Variants in TOMM20 observed in about 807,000 individuals in gnomAD.
The protein encoded by TOMM20 is translocase of outer mitochondrial membrane 20.
Under a neutral mutation model 22.1 loss-of-function variants are expected in TOMM20, and 10 were observed. That is an observed-to-expected ratio of 0.45 (90% CI 0.28 to 0.77). TOMM20 has a LOEUF of 0.77. Ranked by LOEUF, TOMM20 falls within the 30% of genes least tolerant of loss-of-function variation. The pLI, the probability that TOMM20 is intolerant of heterozygous loss-of-function variation, is 0.13. For missense variants in TOMM20, 121 were observed against 172.2 expected (o/e 0.70, Z 1.66); for synonymous variants, 55 against 61.4 (o/e 0.90, Z 0.49).
At chr1:235,115,813 T>G (rs902845412) in intron 3 of TOMM20, among the ~76,000 whole-genome samples, 1 of 152,182 alleles carries the variant, frequency 6.6e-6, no homozygotes, top group Non-Finnish European at 1.5e-5. Context: ...AAAGGCAGGT[T>G]TGCAACATTA....
At chr1:235,115,862 AT>A (rs1404243333) in intron 3 of TOMM20, among the ~76,000 whole-genome samples, 1 of 152,002 alleles carries the variant, frequency 6.6e-6, no homozygotes, top group Admixed American at 6.6e-5. Context: ...TTTACTGCCC[AT>A]TATAAAAAAT....
chr1:235,119,927 A>G (rs774489476), intron 2 of TOMM20, 28 bp from the exon 3 acceptor site: 1 of 1,487,330 alleles, frequency 6.7e-7, no homozygotes. Context: ...AATAAATGAC[A>G]CCACAATTAT....
Position 235,114,013 on chromosome 1 carries a change from G to C in TOMM20, c.251-103C>G, listed in dbSNP as rs1039276638. The C allele has an allele frequency of 2.3e-6, 3 of 1,292,190 alleles. No homozygotes were observed. In the African/African-American group the frequency reaches 4.5e-5, roughly 19 times the overall value. 80.0% of individuals were successfully genotyped at this position (1,292,190 alleles called of 1,614,324 possible). On this transcript the variant is annotated intron_variant, in intron 3 of 4. Transcript: ENST00000366607. ...AAATGATGCTGACCAAAAACACTAAGCAAGTAAAATACTGGAAATGACCTA... is the reference window on the plus strand; with the variant it reads ...AAATGATGCTGACCAAAAACACTAACCAAGTAAAATACTGGAAATGACCTA...
intron 1 of TOMM20, 100 bp downstream of exon 1, chr1:235,128,495 C>A (rs962737913): frequency 2.5e-6 from 4 of 1,573,762 alleles, no homozygotes; most frequent in Non-Finnish European, 3.5e-6. Context: ...CACGCGGTCG[C>A]CCTGCGCGGC....
intron 1 of TOMM20, 156 bp from the exon 2 acceptor site, chr1:235,122,528 G>A: frequency 1.7e-6 from 1 of 596,826 alleles, no homozygotes; most frequent in African/African-American, 1.9e-5. Context: ...CATATGACAT[G>A]TTCTGGTCAA....
At chr1:235,122,217 C>A (rs139303116) in intron 2 of TOMM20, 109 bp downstream of exon 2, 1 of 922,208 alleles carries the variant, frequency 1.1e-6, no homozygotes, top group African/African-American at 1.7e-5. Context: ...AAAGCAATGT[C>A]CAGTATCAAC....
At chr1:235,117,299 T>C (rs1484252383) in intron 3 of TOMM20, among the ~76,000 whole-genome samples, 1 of 142,806 alleles carries the variant, frequency 7.0e-6, no homozygotes, top group South Asian at 2.3e-4. Flanking sequence ...CTACCAAAAA[T>C]AGGAAAAAAT....
rs1259684011 is a variant in TOMM20, at chr1:235,128,644, G to C, written c.72C>G (p.Phe24Leu). ...GALFIGYCIY[F>L]DRKRRSDPNF... ...TGGGGTCACTTCGTCTTTTGCGGTCGAAGTAGATGCAGTACCCAATGAAAA... is the reference window on the plus strand; with the variant it reads ...TGGGGTCACTTCGTCTTTTGCGGTCCAAGTAGATGCAGTACCCAATGAAAA... Residue 24 changes from phenylalanine to leucine, a missense_variant, in exon 1 of 5, where the codon TTC (phenylalanine) becomes TTG (leucine). Phe to Leu is a conservative substitution (Grantham distance 22). Transcript: ENST00000366607. The C allele has an allele frequency of 6.2e-7, 1 of 1,613,840 alleles. No homozygotes were observed. The highest frequency in any genetic ancestry group is 8.5e-7 in the Non-Finnish European group (1 of 1,179,956).
intron 4 of TOMM20, among the ~76,000 whole-genome samples, chr1:235,112,348 A>G (rs1350531556): frequency 2.0e-5 from 3 of 152,062 alleles, no homozygotes; most frequent in African/African-American, 4.8e-5. Context: ...ATTACATTAT[A>G]TATGTTTTTA....
At chr1:235,113,674 T>C in intron 4 of TOMM20, 94 bp downstream of exon 4, 2 of 1,450,272 alleles carry the variant, frequency 1.4e-6, no homozygotes, top group South Asian at 2.8e-5. Flanking sequence ...GATAAGTTTA[T>C]TTCATCATGT....
intron 3 of TOMM20, among the ~76,000 whole-genome samples, chr1:235,117,767 G>A (rs1660859762): frequency 6.6e-6 from 1 of 152,206 alleles, no homozygotes; most frequent in African/African-American, 2.4e-5. Flanking sequence ...CTGAGTATAA[G>A]TAAAGGTTTC....
chr1:235,128,686 G>A lies in TOMM20; in HGVS notation c.30C>T (p.Ala10=), dbSNP rs749158305. The change falls in exon 1 of 5, where the codon GCC becomes GCT. Residue 10 remains alanine, a synonymous_variant. Coordinates refer to ENST00000366607, the MANE Select transcript of TOMM20 (RefSeq NM_014765.3). MVGRNSAIA[A]GVCGALFIGY... ...CAATGAAAAGGGCCCCGCATACACC[G>A]GCGGCGATGGCGCTGTTCCGACCCA... is the stretch of plus-strand genomic sequence containing the variant. 7 of 1,613,966 alleles carry A rather than the reference G, an allele frequency of 4.3e-6. No homozygotes were observed. Among genetic ancestry groups the A allele is most frequent in the Non-Finnish European group, 5.9e-6 (7 of 1,179,952 alleles).
intron 1 of TOMM20, chr1:235,127,941 T>C: frequency 1.9e-6 from 1 of 517,710 alleles, no homozygotes; most frequent in Non-Finnish European, 3.9e-6. Flanking sequence ...AATGCAGCAA[T>C]GAGCCAGGCG....
intron 1 of TOMM20, among the ~76,000 whole-genome samples, chr1:235,125,897 G>A (rs915450230): frequency 2.6e-5 from 4 of 150,950 alleles, no homozygotes; most frequent in South Asian, 4.2e-4. Flanking sequence ...CTACAGGTGC[G>A]TGCCACCACG....
At chr1:235,115,470 T>C (rs1660813407) in intron 3 of TOMM20, among the ~76,000 whole-genome samples, 1 of 151,572 alleles carries the variant, frequency 6.6e-6, no homozygotes, top group Non-Finnish European at 1.5e-5. Context: ...CTACTAAAAA[T>C]ACAAAAATTA....
At chr1:235,113,688 C>T in intron 4 of TOMM20, 80 bp downstream of exon 4, 2 of 1,487,824 alleles carry the variant, frequency 1.3e-6, no homozygotes, top group African/African-American at 1.4e-5. Context: ...ATCATGTTCA[C>T]TAGGCTCATT....
At chr1:235,128,198 C>T (rs1014172205) in intron 1 of TOMM20, among the ~76,000 whole-genome samples, 2 of 152,188 alleles carry the variant, frequency 1.3e-5, no homozygotes, top group Non-Finnish European at 2.9e-5. Context: ...AACAATGATA[C>T]TGCACTGAGC....
chr1:235,116,971 T>C (rs559873418), intron 3 of TOMM20, among the ~76,000 whole-genome samples: 13 of 148,472 alleles, frequency 8.8e-5, no homozygotes, highest in African/African-American at 3.2e-4. Flanking sequence ...CCGTCTCTAC[T>C]AAAAATACAA....
intron 3 of TOMM20, among the ~76,000 whole-genome samples, 185 bp downstream of exon 3, chr1:235,119,633 T>C (rs1660896902): frequency 1.3e-5 from 2 of 152,198 alleles, no homozygotes; most frequent in African/African-American, 4.8e-5. Context: ...ACAAGGAATA[T>C]TTCTTTCTAG....
Sources: gnomAD v4.1 joint callset for allele counts (sites outside exome capture counted in the v4.1 genomes callset) on GRCh38, gnomAD v4.1.1 for gene constraint, MANE v1.5 for transcripts, NCBI Gene and HGNC (gene_info 2026-07-23, HGNC 2026-07-21) for gene names.